Variants in SEMA4D observed in about 807,000 individuals in gnomAD.
The protein encoded by SEMA4D is semaphorin 4D.
A neutral mutation model predicts 74.8 loss-of-function variants in SEMA4D; 22 were observed. That is an observed-to-expected ratio of 0.29 (90% CI 0.21 to 0.42). The LOEUF is 0.42. Ranked by LOEUF, SEMA4D falls within the 10% of genes least tolerant of loss-of-function variation. SEMA4D has a pLI of 1.00. For missense variants in SEMA4D, 937 were observed against 1,118.4 expected, an observed-to-expected ratio of 0.84 and a Z score of 2.31; for synonymous variants, 445 against 463.7, an observed-to-expected ratio of 0.96 and a Z score of 0.52.
At chr9:89,434,240 A>T (rs1478371833) in intron 2 of SEMA4D, among the ~76,000 whole-genome samples, 1 of 152,022 alleles carries the variant, frequency 6.6e-6, no homozygotes. Context: ...TGCTGCCCCC[A>T]TCCAGCACGC....
At chr9:89,456,920 CG>C (rs1305789386) in intron 1 of SEMA4D, among the ~76,000 whole-genome samples, 1 of 152,084 alleles carries the variant, frequency 6.6e-6, no homozygotes, top group Non-Finnish European at 1.5e-5. Context: ...TCAGAAGTAG[CG>C]GAAGGCTTAC....
chr9:89,399,478 G>A (rs192335592), intron 4 of SEMA4D, 140 bp from the exon 5 acceptor site: 29 of 664,762 alleles, frequency 4.4e-5, no homozygotes, highest in South Asian at 1.8e-5. Flanking sequence ...TGCAAGGGAG[G>A]TTCAGAGAGC....
chr9:89,426,597 C>G (rs989498977), intron 2 of SEMA4D, among the ~76,000 whole-genome samples: 9 of 152,190 alleles, frequency 5.9e-5, no homozygotes, highest in African/African-American at 2.2e-4. Flanking sequence ...ATTTCATCAT[C>G]TGGGGCTGTC....
intron 2 of SEMA4D, among the ~76,000 whole-genome samples, chr9:89,436,779 G>T (rs550429371): frequency 6.6e-6 from 1 of 152,238 alleles, no homozygotes; most frequent in Non-Finnish European, 1.5e-5. Flanking sequence ...GCACACCATT[G>T]TCCACCCATG....
At chr9:89,449,570 G>A in intron 2 of SEMA4D, 1 of 822,594 alleles carries the variant, frequency 1.2e-6, no homozygotes, top group Non-Finnish European at 2.2e-6. Context: ...GTCAGGCAAA[G>A]ACGAGCAGCA....
intron 1 of SEMA4D, among the ~76,000 whole-genome samples, chr9:89,485,894 CACA>C (rs1440936795): frequency 1.3e-5 from 2 of 150,714 alleles, no homozygotes; most frequent in Non-Finnish European, 3.0e-5. Flanking sequence ...AGCATCGAAT[CACA>C]ACTCCTGGCT....
At chr9:89,468,699 C>T (rs1367558524) in intron 1 of SEMA4D, among the ~76,000 whole-genome samples, 1 of 152,218 alleles carries the variant, frequency 6.6e-6, no homozygotes, top group African/African-American at 2.4e-5. Context: ...CATCCCCCCT[C>T]TAAGTGGTGG....
At chr9:89,450,890 G>T in intron 2 of SEMA4D, 2 of 470,692 alleles carry the variant, frequency 4.2e-6, no homozygotes, top group Non-Finnish European at 3.7e-6. Context: ...CCCCAGTTTT[G>T]CAACCCACTC....
chr9:89,388,496 A>G, intron 11 of SEMA4D, 140 bp downstream of exon 11: 1 of 983,658 alleles, frequency 1.0e-6, no homozygotes, highest in South Asian at 1.9e-5. Flanking sequence ...AGCTGTGCTC[A>G]TCGGCCGTCC....
At chr9:89,433,246 G>A (rs1344470080) in intron 2 of SEMA4D, among the ~76,000 whole-genome samples, 1 of 152,246 alleles carries the variant, frequency 6.6e-6, no homozygotes, top group African/African-American at 2.4e-5. Flanking sequence ...GCTGCCACGA[G>A]TCCCCCATGA....
At position 89,388,669 on chromosome 9, in the gene SEMA4D, A is replaced by G; in HGVS notation, c.1074T>C (p.Tyr358=). 1 of 1,603,786 alleles carries G rather than the reference A, an allele frequency of 6.2e-7. No homozygotes were observed. Among genetic ancestry groups the G allele is most frequent in the African/African-American group, 1.3e-5 (1 of 74,702 alleles). ...VEQSHTKWVR[Y]NGPVPKPRPG... is the part of the protein sequence containing the mutation. Reference sequence around the variant, plus strand: ...GCCGCGGCTTGGGTACCGGGCCATTATAGCGCACCCACTTGGTGTGGGACT... The same window carrying G: ...GCCGCGGCTTGGGTACCGGGCCATTGTAGCGCACCCACTTGGTGTGGGACT... Residue 358 remains tyrosine (Y), a synonymous_variant, in exon 11 of 16, where the codon TAT becomes TAC. Transcript: ENST00000422704.
chr9:89,380,735 A>T (rs940715777), intron 15 of SEMA4D, among the ~76,000 whole-genome samples: 10 of 151,976 alleles, frequency 6.6e-5, no homozygotes, highest in African/African-American at 1.9e-4. Context: ...AGGATTAATC[A>T]CTCATGGGCT....
At chr9:89,415,084 T>C (rs1845430142) in intron 2 of SEMA4D, among the ~76,000 whole-genome samples, 1 of 152,200 alleles carries the variant, frequency 6.6e-6, no homozygotes, top group Non-Finnish European at 1.5e-5. Context: ...GGGACCCCTC[T>C]AAGCAGCAGC....
At chr9:89,384,554 A>C in intron 13 of SEMA4D, 1 of 600,546 alleles carries the variant, frequency 1.7e-6, no homozygotes, top group South Asian at 7.3e-5. Flanking sequence ...CCCTGCAGAC[A>C]GACAGTGGTA....
chr9:89,451,270 G>A (rs968623798), intron 2 of SEMA4D, among the ~76,000 whole-genome samples: 9 of 152,002 alleles, frequency 5.9e-5, no homozygotes, highest in Non-Finnish European at 8.8e-5. Context: ...CGGTGTGGCC[G>A]ACTCCTCATC....
chr9:89,488,233 G>A (rs1040636862), intron 1 of SEMA4D, among the ~76,000 whole-genome samples: 2 of 151,240 alleles, frequency 1.3e-5, no homozygotes, highest in South Asian at 2.1e-4. Context: ...GAAGAGGCTT[G>A]CTGTTGTTGT....
chr9:89,412,432 G>A (rs1240102131), intron 2 of SEMA4D, among the ~76,000 whole-genome samples: 1 of 152,192 alleles, frequency 6.6e-6, no homozygotes, highest in South Asian at 2.1e-4. Context: ...AAATGGTTAC[G>A]AAGGACTGTC....
chr9:89,439,052 G>A (rs10797128), intron 2 of SEMA4D, among the ~76,000 whole-genome samples: 73,004 of 138,706 alleles, frequency 0.53, 19,013 homozygotes, highest in African/African-American at 0.65. Context: ...CTTGATCTCC[G>A]CTCACTGCAA....
chr9:89,430,208 G>A (rs1256982642), intron 2 of SEMA4D, among the ~76,000 whole-genome samples: 2 of 152,058 alleles, frequency 1.3e-5, no homozygotes, highest in African/African-American at 2.4e-5. Flanking sequence ...GAACTAGGAG[G>A]AAGTTTTCAG....
Sources: allele counts gnomAD v4.1 joint callset (sites outside exome capture counted in the v4.1 genomes callset), GRCh38; gene constraint gnomAD v4.1.1; transcripts MANE v1.5; gene names NCBI Gene and HGNC (gene_info 2026-07-23, HGNC 2026-07-21).